The following MAD1L1 variants were observed in gnomAD, a reference collection of about 807,000 sequenced individuals.
The protein encoded by MAD1L1 is mitotic spindle assembly checkpoint protein MAD1.
MAD1L1 carries 95 observed loss-of-function variants against 96.9 expected under a neutral mutation model. The observed-to-expected ratio is 0.98, with a 90% CI of 0.83 to 1.16. The LOEUF (loss-of-function observed/expected upper bound fraction) is 1.16, where lower values mean the gene tolerates loss of function less well. Among genes scored for constraint, MAD1L1 ranks in the 50% most tolerant of loss-of-function variants. The pLI, the probability that MAD1L1 is intolerant of heterozygous loss-of-function variation, is 0.00. For synonymous variants in MAD1L1, 473 were observed against 396.6 expected (o/e 1.19, Z -2.29); for missense variants, 1,007 against 954.4 (o/e 1.06, Z -0.73).
intron 15 of MAD1L1, among the ~76,000 whole-genome samples, chr7:1,976,393 G>A (rs1780639857): frequency 6.6e-6 from 1 of 152,260 alleles, no homozygotes; most frequent in South Asian, 2.1e-4. Flanking sequence ...TGAAGCTGCA[G>A]ACCTTCATGG....
chr7:1,865,814 T>C (rs1784752101), intron 18 of MAD1L1, among the ~76,000 whole-genome samples: 1 of 152,224 alleles, frequency 6.6e-6, no homozygotes, highest in Admixed American at 6.5e-5. Flanking sequence ...CTCTCTCGAA[T>C]GGCAGCCCCT....
At chr7:2,007,305 G>A (rs1159855754) in intron 13 of MAD1L1, among the ~76,000 whole-genome samples, 1 of 152,238 alleles carries the variant, frequency 6.6e-6, no homozygotes, top group Non-Finnish European at 1.5e-5. Flanking sequence ...TCCCAGCTCT[G>A]GTGCCGACAG....
chr7:2,225,225 T>C (rs1038120397), intron 4 of MAD1L1, among the ~76,000 whole-genome samples, 185 bp downstream of exon 4: 3 of 108,282 alleles, frequency 2.8e-5, no homozygotes, highest in Non-Finnish European at 7.1e-5. Context: ...GCCTGGCAGG[T>C]ACCGTGCACA....
intron 12 of MAD1L1, among the ~76,000 whole-genome samples, chr7:2,026,504 A>G (rs997473975): frequency 6.6e-6 from 1 of 152,210 alleles, no homozygotes; most frequent in African/African-American, 2.4e-5. Flanking sequence ...TACTATTTTC[A>G]AGTGTGTATG....
chr7:2,024,686 T>G, intron 12 of MAD1L1, among the ~76,000 whole-genome samples: 1 of 152,172 alleles, frequency 6.6e-6, no homozygotes, highest in East Asian at 1.9e-4. Flanking sequence ...GCCAGCCCCA[T>G]CTCAGGCGGG....
intron 15 of MAD1L1, among the ~76,000 whole-genome samples, chr7:1,967,797 T>C (rs1780230589): frequency 6.6e-6 from 1 of 152,172 alleles, no homozygotes; most frequent in Non-Finnish European, 1.5e-5. Context: ...CAAGTCCCGC[T>C]GCATGCACCG....
At chr7:1,875,154 G>GCC (rs1287525853) in intron 18 of MAD1L1, among the ~76,000 whole-genome samples, 4 of 152,268 alleles carry the variant, frequency 2.6e-5, no homozygotes, top group South Asian at 4.1e-4. Context: ...CTGCCCCAGA[G>GCC]CCCCCCACAG....
chr7:1,899,627 T>C (rs573136368), intron 17 of MAD1L1, among the ~76,000 whole-genome samples: 74 of 152,146 alleles, frequency 4.9e-4, no homozygotes, highest in African/African-American at 1.6e-3. Context: ...GGGAGGCTGG[T>C]CCTGAGTTAG....
chr7:2,225,748 A>C (rs1488383275), intron 3 of MAD1L1, 198 bp from the exon 4 acceptor site: 3 of 612,088 alleles, frequency 4.9e-6, no homozygotes, highest in East Asian at 5.6e-5. Context: ...AAAGCCTGGG[A>C]AGAGGAAGAC....
Position 1,968,632 on chromosome 7 carries a change from C to T in MAD1L1, c.1506-10913G>A, listed in dbSNP as rs1215020882. ...GTCCGCTGTCAACGCCTCAGTCCAG[C>T]GGTCAGGTCCACCTGCTGTTGCGTG... On this transcript the variant is annotated intron_variant, in intron 15 of 18. Coordinates refer to ENST00000265854, the MANE Select transcript of MAD1L1 (RefSeq NM_001013836.2). The surrounding 1 kb of genome is among the most constrained non-coding windows in gnomAD (Gnocchi z 5.6). Among the ~76,000 whole-genome samples the T allele has an allele frequency of 3.9e-5, 6 of 152,350 alleles. No homozygotes were observed. Among genetic ancestry groups the T allele is most frequent in the Admixed American group, 1.3e-4 (2 of 15,308 alleles).
intron 11 of MAD1L1, among the ~76,000 whole-genome samples, chr7:2,131,554 G>T (rs564793262): frequency 6.6e-6 from 1 of 152,226 alleles, no homozygotes; most frequent in Non-Finnish European, 1.5e-5. Context: ...AGTCCCAGGG[G>T]ACCTCTGCGC....
chr7:2,017,545 C>T (rs754223451), intron 12 of MAD1L1, among the ~76,000 whole-genome samples: 1 of 152,166 alleles, frequency 6.6e-6, no homozygotes, highest in Non-Finnish European at 1.5e-5. Context: ...CTGCGATAGT[C>T]GGGCAGAGGG....
intron 3 of MAD1L1, among the ~76,000 whole-genome samples, chr7:2,229,764 C>T (rs778735749): frequency 7.9e-5 from 12 of 152,280 alleles, no homozygotes; most frequent in Non-Finnish European, 1.8e-4. Flanking sequence ...ACTCAGGGCG[C>T]TAACAAGGCA....
intron 6 of MAD1L1, among the ~76,000 whole-genome samples, chr7:2,218,964 G>A (rs186788410): frequency 6.6e-6 from 1 of 152,270 alleles, no homozygotes; most frequent in East Asian, 1.9e-4. Context: ...GGAGGCTAAG[G>A]CAGGAGGATC....
At chr7:2,061,354 T>TAAAAA (rs1554350066) in intron 12 of MAD1L1, among the ~76,000 whole-genome samples, 3 of 151,258 alleles carry the variant, frequency 2.0e-5, no homozygotes, top group Non-Finnish European at 2.9e-5. Flanking sequence ...AATAATAAAA[T>TAAAAA]TAAAATAAAA....
rs148476778 is a variant in MAD1L1 at position 2,213,835 on chromosome 7, T to A, written c.925-562A>T. 7.0e-3 allele frequency among the ~76,000 whole-genome samples: 1,070 copies of A among 152,272 alleles called. 39 individuals carry two copies. The highest frequency in any genetic ancestry group is 0.051 in the Admixed American group (787 of 15,298). The stretch of plus-strand genomic sequence containing the variant: ...CCCACCCCTCTGTGTCACATGCCTG[T>A]CCCATGCTGAGCCGCATCCCAAAGA... On this transcript the variant is annotated intron_variant, in intron 9 of 18. Transcript: ENST00000265854.
chr7:1,943,869 G>A lies in MAD1L1; in HGVS notation c.1597-6972C>T, dbSNP rs544716384. Among the ~76,000 whole-genome samples the A allele has an allele frequency of 1.6e-4, 25 of 152,316 alleles. No individual in the cohort carries two copies. The South Asian group carries it at 3.9e-3, about 24-fold the overall frequency. The stretch of plus-strand genomic sequence containing the variant: ...ATGACTGGATATGTAAGATGTGGCC[G>A]TGCAGACAGTGGGGTGTTTCAGCCA... On this transcript the variant is annotated intron_variant, in intron 16 of 18. Transcript: ENST00000265854.
Position 1,928,473 on chromosome 7 carries a change from C to T in MAD1L1, c.1807+8214G>A, listed in dbSNP as rs185763755. Reference sequence around the variant, plus strand: ...CCCTAGAGGAGCCCACGACGGAACTCCTGCCACACCTGAGACTGTTCCCCA... The same window carrying T: ...CCCTAGAGGAGCCCACGACGGAACTTCTGCCACACCTGAGACTGTTCCCCA... On this transcript the variant is annotated intron_variant, in intron 17 of 18. Transcript: ENST00000265854. 3.2e-3 allele frequency among the ~76,000 whole-genome samples: 485 copies of T among 152,314 alleles called. 4 individuals carry two copies. Among genetic ancestry groups the T allele is most frequent in the Middle Eastern group, 6.8e-3 (2 of 294 alleles).
chr7:1,828,624 C>T (rs1023048079), intron 18 of MAD1L1, among the ~76,000 whole-genome samples: 6 of 152,184 alleles, frequency 3.9e-5, no homozygotes, highest in African/African-American at 7.2e-5. Context: ...TTTCCTAAAC[C>T]GAGACCCAGA....
Sources: allele counts gnomAD v4.1 joint callset (sites outside exome capture counted in the v4.1 genomes callset), GRCh38; gene constraint gnomAD v4.1.1; non-coding constraint Gnocchi (gnomAD v3.1); transcripts MANE v1.5; gene names NCBI Gene and HGNC (gene_info 2026-07-23, HGNC 2026-07-21).